The following FMN1 variants were observed in gnomAD, a reference collection of about 807,000 sequenced individuals.
FMN1 encodes formin-1.
FMN1 carries 110 observed loss-of-function variants against 132.4 expected under a neutral mutation model. The observed-to-expected ratio is 0.83, with a 90% CI of 0.71 to 0.97. The LOEUF (loss-of-function observed/expected upper bound fraction) is 0.97. Ranked by LOEUF, FMN1 falls within the 50% of genes least tolerant of loss-of-function variation. The pLI, the probability that FMN1 is intolerant of heterozygous loss-of-function variation, is 0.00. For synonymous variants in FMN1, 722 were observed against 651.7 expected, an observed-to-expected ratio of 1.11 and a Z score of -1.64; for missense variants, 1,792 against 1,705.3, an observed-to-expected ratio of 1.05 and a Z score of -0.90.
rs202010312 is a variant in FMN1 at position 32,968,972 on chromosome 15, G to A, written c.2729C>T (p.Pro910Leu). Residue 910 changes from proline (P) to leucine (L), a missense_variant, in exon 8 of 21, where the codon CCG becomes CTG. This residue lies in a region of FMN1 where 1,150 missense variants were observed against 1,043.1 expected (regional missense o/e 1.10). Transcript: ENST00000616417. ...GPPLPPPPPP[P>L]PPLPPPSSAG... Reference sequence around the variant, plus strand: ...ACTTGAAGGTGGAGGTAGAGGTGGCGGTGGAGGAGGCGGAGGTGGTAGCGG... The same window carrying A: ...ACTTGAAGGTGGAGGTAGAGGTGGCAGTGGAGGAGGCGGAGGTGGTAGCGG... The A allele has an allele frequency of 2.3e-5, 22 of 960,000 alleles. No homozygotes were observed. The highest frequency in any genetic ancestry group is 4.8e-5 in the Admixed American group (2 of 41,964). The allele number at this position is 960,000 out of a possible 1,614,324, so 59.5% of individuals were successfully genotyped here.
intron 10 of FMN1, among the ~76,000 whole-genome samples, chr15:32,911,298 A>G (rs2141669615): frequency 6.6e-6 from 1 of 152,318 alleles, no homozygotes; most frequent in South Asian, 2.1e-4. Context: ...AAGCAGGTCC[A>G]CATCTTTAAA....
intron 6 of FMN1, among the ~76,000 whole-genome samples, chr15:33,011,153 A>C (rs1290657038): frequency 1.3e-5 from 2 of 152,214 alleles, no homozygotes; most frequent in Admixed American, 1.3e-4. Context: ...AATGAGAATT[A>C]TTTTTAATTC....
intron 6 of FMN1, among the ~76,000 whole-genome samples, chr15:33,045,916 C>T (rs1001747064): frequency 2.0e-5 from 3 of 152,174 alleles, no homozygotes; most frequent in Non-Finnish European, 2.9e-5. Flanking sequence ...GCCTTGGCAT[C>T]CCAAAGTGCT....
chr15:33,153,069 G>A lies in FMN1; in HGVS notation c.1846C>T (p.Pro616Ser), dbSNP rs1304728286. 2.0e-6 allele frequency: 3 copies of A among 1,530,788 alleles called. No individual in the cohort carries two copies. Among genetic ancestry groups the A allele is most frequent in the South Asian group, 2.4e-5 (2 of 83,262 alleles). 94.8% of individuals were successfully genotyped at this position (1,530,788 alleles called of 1,614,324 possible). The change falls in exon 4 of 21, where the codon CCC becomes TCC. Residue 616 changes from proline (P) to serine (S), a missense_variant. Around this residue, in one of 3 missense-constraint regions of FMN1, gnomAD observed 1,150 missense variants for 1,043.1 expected, o/e 1.10. Coordinates refer to ENST00000616417, the MANE Select transcript of FMN1 (RefSeq NM_001277313.2). ...SLGPGKTTAE[P>S]QHQSPPGISS... ...TAACCTGGAGGTGACTGGTGCTGGG[G>A]CTCAGCTGTGGTCTTCCCTGGCCCC... is the stretch of plus-strand genomic sequence containing the variant.
chr15:32,938,994 T>C (rs894249420), intron 9 of FMN1, among the ~76,000 whole-genome samples: 1 of 152,198 alleles, frequency 6.6e-6, no homozygotes, highest in Non-Finnish European at 1.5e-5. Context: ...AAAGTCATTT[T>C]CAAAGGGAAG....
chr15:32,810,675 C>G (rs898637536), intron 17 of FMN1, among the ~76,000 whole-genome samples: 1 of 152,118 alleles, frequency 6.6e-6, no homozygotes, highest in Admixed American at 6.5e-5. Context: ...ATGAGAGTGG[C>G]TGAAGGAGGA....
intron 16 of FMN1, among the ~76,000 whole-genome samples, chr15:32,877,076 A>G (rs952240583): frequency 1.1e-4 from 16 of 152,192 alleles, no homozygotes; most frequent in Admixed American, 6.5e-5. Flanking sequence ...ACCTGAAGTC[A>G]GGAGTCTGAA....
intron 4 of FMN1, among the ~76,000 whole-genome samples, chr15:33,127,170 AGAG>A (rs5811739): frequency 0.3 from 45,356 of 151,828 alleles, 7,346 homozygotes; most frequent in East Asian, 0.63. Flanking sequence ...TCTCAAACAG[AGAG>A]GAGGTCAGGC....
intron 4 of FMN1, among the ~76,000 whole-genome samples, chr15:33,099,220 G>A (rs1292532616): frequency 1.3e-5 from 2 of 152,234 alleles, no homozygotes; most frequent in Non-Finnish European, 2.9e-5. Context: ...GAGCCTGGAA[G>A]GTTGAGGCTG....
At chr15:32,785,216 A>ATTTTTTTTTTTT (rs1281698107) in intron 19 of FMN1, among the ~76,000 whole-genome samples, 7 of 20,110 alleles carry the variant, frequency 3.5e-4, no homozygotes, top group Admixed American at 7.6e-4. Context: ...ATATATATAT[A>ATTTTTTTTTTTT]TATTTTTTTT....
Position 33,119,746 on chromosome 15 carries a change from CTGTT to C in FMN1, c.1868-30776_1868-30773del, listed in dbSNP as rs557078787. 2.3e-3 allele frequency among the ~76,000 whole-genome samples: 343 copies of C among 152,258 alleles called. 2 individuals carry two copies. The highest frequency in any genetic ancestry group is 7.8e-3 in the African/African-American group (325 of 41,546). Reference sequence around the variant, plus strand: ...AAACTAAGCTCTCATATTCTAAAAACTGTTTGTACTATATTCGTCTTTAAAATGT... The same window carrying C: ...AAACTAAGCTCTCATATTCTAAAAACTGTACTATATTCGTCTTTAAAATGT... On this transcript the variant is annotated intron_variant, in intron 4 of 20. Transcript: ENST00000616417.
chr15:32,961,250 CA>C (rs1257505734), intron 9 of FMN1, among the ~76,000 whole-genome samples: 2 of 151,456 alleles, frequency 1.3e-5, no homozygotes, highest in African/African-American at 4.9e-5. Context: ...TCTCCTGCCT[CA>C]GCCTCCCGAG....
At chr15:32,947,965 CTTAGA>C (rs1596325935) in intron 9 of FMN1, among the ~76,000 whole-genome samples, 1 of 151,858 alleles carries the variant, frequency 6.6e-6, no homozygotes, top group Non-Finnish European at 1.5e-5. Flanking sequence ...ATTACACTTG[CTTAGA>C]TTAAATAAAG....
At chr15:32,793,231 A>T (rs549066184) in intron 19 of FMN1, among the ~76,000 whole-genome samples, 2 of 151,864 alleles carry the variant, frequency 1.3e-5, no homozygotes, top group South Asian at 2.1e-4. Context: ...TGTAGTTTTA[A>T]ATTTATTGCT....
intron 9 of FMN1, 65 bp from the exon 10 acceptor site, chr15:32,926,326 C>T (rs2060960556): frequency 2.3e-6 from 2 of 871,266 alleles, no homozygotes; most frequent in East Asian, 2.7e-5. Context: ...TCAGGACGCA[C>T]ACCAAAAACA....
chr15:32,906,729 T>C (rs973539045), intron 12 of FMN1, among the ~76,000 whole-genome samples: 1 of 152,186 alleles, frequency 6.6e-6, no homozygotes, highest in Non-Finnish European at 1.5e-5. Flanking sequence ...TTTGTTATAA[T>C]AGGAAATATG....
At chr15:33,118,834 A>G (rs1316743289) in intron 4 of FMN1, among the ~76,000 whole-genome samples, 2 of 151,810 alleles carry the variant, frequency 1.3e-5, no homozygotes, top group African/African-American at 4.8e-5. Flanking sequence ...ATTTCAAACA[A>G]TTTCTAGTCA....
intron 5 of FMN1, among the ~76,000 whole-genome samples, chr15:33,083,747 C>G (rs796645584): frequency 2.0e-5 from 3 of 152,212 alleles, no homozygotes; most frequent in African/African-American, 7.2e-5. Context: ...GGCTGCATTC[C>G]TAGTAGATTA....
chr15:32,913,254 G>A (rs2060607103), intron 10 of FMN1, among the ~76,000 whole-genome samples: 1 of 152,104 alleles, frequency 6.6e-6, no homozygotes, highest in African/African-American at 2.4e-5. Flanking sequence ...GTACCTCCAA[G>A]TCTGTATTAT....
Sources: allele counts gnomAD v4.1 joint callset (sites outside exome capture counted in the v4.1 genomes callset), GRCh38; gene constraint gnomAD v4.1.1; regional missense constraint gnomAD v4.1.1; transcripts MANE v1.5; gene names NCBI Gene and HGNC (gene_info 2026-07-23, HGNC 2026-07-21).